Variants in MED13L observed in about 807,000 individuals in gnomAD.
MED13L encodes mediator of RNA polymerase II transcription subunit 13-like.
Under a neutral mutation model 220.9 loss-of-function variants are expected in MED13L, and 7 were observed. The observed-to-expected ratio is 0.03, with a 90% CI of 0.02 to 0.06. MED13L has a LOEUF of 0.06. Among genes scored for constraint, MED13L ranks in the 10% least tolerant of loss-of-function variants. MED13L has a pLI of 1.00. For synonymous variants in MED13L, 1,011 were observed against 1,015.2 expected, an observed-to-expected ratio of 1.00 and a Z score of 0.08; for missense variants, 1,965 against 2,760.5, an observed-to-expected ratio of 0.71 and a Z score of 6.46.
At chr12:116,109,817 G>A (rs925127635) in intron 3 of MED13L, among the ~76,000 whole-genome samples, 2 of 152,208 alleles carry the variant, frequency 1.3e-5, no homozygotes, top group Non-Finnish European at 2.9e-5. Context: ...CTTAGTAACA[G>A]ATGATTTCTA....
intron 29 of MED13L, among the ~76,000 whole-genome samples, chr12:115,965,793 A>G (rs1876113863): frequency 6.6e-6 from 1 of 152,152 alleles, no homozygotes; most frequent in South Asian, 2.1e-4. Flanking sequence ...ACTTGGAGAA[A>G]GACCATCACA....
rs765021303 is a variant in MED13L, at chr12:116,277,018, C to T, written c.72+42G>A. The T allele has an allele frequency of 4.3e-6, 6 of 1,408,590 alleles. No individual in the cohort carries two copies. The African/African-American group carries it at 5.6e-5, about 13-fold the overall frequency. 87.3% of individuals were successfully genotyped at this position (1,408,590 alleles called of 1,614,324 possible). ...GGCGGCGGAGGTCGGGGACCCCCCC[C>T]CTTCCCCGGCACAGCCCCCTCCCCG... On this transcript the variant is annotated intron_variant, in intron 1 of 30. Coordinates refer to ENST00000281928, the MANE Select transcript of MED13L (RefSeq NM_015335.5).
chr12:116,166,282 A>T (rs1388773498), intron 2 of MED13L, among the ~76,000 whole-genome samples: 1 of 152,178 alleles, frequency 6.6e-6, no homozygotes, highest in Non-Finnish European at 1.5e-5. Context: ...TGTTGCCAAA[A>T]GAGATTAACA....
At position 115,996,461 on chromosome 12, in the gene MED13L, A is replaced by G. The variant is rs745392879; in HGVS notation, c.2996+15T>C. 1 of 1,604,866 alleles carries G rather than the reference A, an allele frequency of 6.2e-7. No individual in the cohort carries two copies. Among genetic ancestry groups the G allele is most frequent in the South Asian group, 1.1e-5 (1 of 90,878 alleles). On this transcript the variant is annotated intron_variant, in intron 16 of 30. Transcript: ENST00000281928. ...ATCAAATATGGCAAGTAAATGACAC[A>G]ATCCCTATACATACTTGTAGCCATC...
intron 2 of MED13L, among the ~76,000 whole-genome samples, chr12:116,159,867 C>A (rs1216456260): frequency 6.6e-6 from 1 of 152,104 alleles, no homozygotes; most frequent in Non-Finnish European, 1.5e-5. Context: ...ATAAATGTGC[C>A]ACATCCTGCT....
intron 4 of MED13L, among the ~76,000 whole-genome samples, chr12:116,081,464 T>A (rs913780976): frequency 6.6e-6 from 1 of 152,130 alleles, no homozygotes; most frequent in East Asian, 1.9e-4. Flanking sequence ...TGTATAAGAA[T>A]ACATATAGCA....
chr12:116,036,230 G>A (rs1399056669), intron 4 of MED13L, among the ~76,000 whole-genome samples: 1 of 152,180 alleles, frequency 6.6e-6, no homozygotes, highest in East Asian at 1.9e-4. Flanking sequence ...AGAAGAACAA[G>A]AACAACTGAT....
At chr12:116,200,755 AT>A (rs1359700358) in intron 2 of MED13L, among the ~76,000 whole-genome samples, 1 of 152,242 alleles carries the variant, frequency 6.6e-6, no homozygotes, top group Non-Finnish European at 1.5e-5. Flanking sequence ...ATAAATTTGA[AT>A]TTTTTAATGA....
intron 30 of MED13L, among the ~76,000 whole-genome samples, chr12:115,961,907 T>C (rs1485512831): frequency 1.3e-5 from 2 of 151,714 alleles, no homozygotes; most frequent in African/African-American, 2.4e-5. Flanking sequence ...TGGGCGGAGG[T>C]TGCAGTGAGA....
chr12:116,209,726 CAGAAATACTTGGAAG>C (rs766855373), intron 2 of MED13L, among the ~76,000 whole-genome samples: 1 of 152,132 alleles, frequency 6.6e-6, no homozygotes, highest in Non-Finnish European at 1.5e-5. Context: ...AGATCTGTTT[CAGAAATACTTGGAAG>C]TCCCAAGGCA....
At chr12:115,976,241 G>A (rs1385594196) in intron 23 of MED13L, among the ~76,000 whole-genome samples, 9 of 152,090 alleles carry the variant, frequency 5.9e-5, no homozygotes, top group Admixed American at 5.9e-4. Flanking sequence ...AATCACAATA[G>A]CTCCAAACAG....
intron 17 of MED13L, among the ~76,000 whole-genome samples, chr12:115,987,559 T>C (rs1031819316): frequency 6.6e-6 from 1 of 152,126 alleles, no homozygotes; most frequent in Non-Finnish European, 1.5e-5. Context: ...AGTGGAAAAA[T>C]GGATAGGTGC....
rs768707757 is a variant in MED13L at position 116,277,102 on chromosome 12, G to A, written c.30C>T (p.Asn10=). ...AGTGACAATCCTCCAGGCTCGCCCCGTTCGCCACCCAGTTCGCTGCCGCAG... is the reference window on the plus strand; with the variant it reads ...AGTGACAATCCTCCAGGCTCGCCCCATTCGCCACCCAGTTCGCTGCCGCAG... MTAAANWVA[N]GASLEDCHSN... is the part of the protein sequence containing the mutation. The change falls in exon 1 of 31, where the codon AAC becomes AAT. Residue 10 remains asparagine, a synonymous_variant. Transcript: ENST00000281928. 19 of 1,590,092 alleles carry A rather than the reference G, an allele frequency of 1.2e-5. No individual in the cohort carries two copies. In the South Asian group the frequency reaches 1.3e-4, roughly 10 times the overall value.
chr12:116,276,915 G>A lies in MED13L; in HGVS notation c.72+145C>T, dbSNP rs189930454. Reference sequence around the variant, plus strand: ...GCGAGAGAGAGACGATCCAAAAGGGGGAGAATCGGCGAGAGGCGAACGGCG... The same window carrying A: ...GCGAGAGAGAGACGATCCAAAAGGGAGAGAATCGGCGAGAGGCGAACGGCG... On this transcript the variant is annotated intron_variant, in intron 1 of 30. Transcript: ENST00000281928. 3.0e-6 allele frequency: 3 copies of A among 1,012,192 alleles called. No individual in the cohort carries two copies. In the African/African-American group the frequency reaches 4.8e-5, roughly 16 times the overall value. The allele number at this position is 1,012,192 out of a possible 1,614,324, so 62.7% of individuals were successfully genotyped here.
intron 4 of MED13L, among the ~76,000 whole-genome samples, chr12:116,054,500 T>A (rs1006941598): frequency 6.6e-6 from 1 of 152,212 alleles, no homozygotes; most frequent in African/African-American, 2.4e-5. Flanking sequence ...AGAGTACAAC[T>A]TAAGCATGTT....
chr12:116,012,148 G>T (rs958028587), intron 9 of MED13L, among the ~76,000 whole-genome samples: 3 of 152,176 alleles, frequency 2.0e-5, no homozygotes, highest in Admixed American at 1.3e-4. Flanking sequence ...TGAGCTGGGG[G>T]TTAAGACTTA....
At chr12:116,140,160 G>A (rs919698506) in intron 2 of MED13L, among the ~76,000 whole-genome samples, 1 of 151,912 alleles carries the variant, frequency 6.6e-6, no homozygotes, top group Non-Finnish European at 1.5e-5. Flanking sequence ...CCCTTTCCCA[G>A]CATGCTCTAT....
chr12:116,061,737 G>A (rs1280852544), intron 4 of MED13L, among the ~76,000 whole-genome samples: 1 of 152,124 alleles, frequency 6.6e-6, no homozygotes, highest in East Asian at 1.9e-4. Context: ...GCCAGGCGTA[G>A]TGGCTCACGC....
Position 116,109,060 on chromosome 12 carries a change from C to CTT in MED13L, c.395+2366_395+2367dup, listed in dbSNP as rs751600660. Among the ~76,000 whole-genome samples the CTT allele has an allele frequency of 6.4e-3, 624 of 97,096 alleles. 47 individuals carry two copies. The highest frequency in any genetic ancestry group is 9.1e-3 in the Non-Finnish European group (447 of 49,014). 63.7% of individuals were successfully genotyped at this position (97,096 alleles called of 152,430 possible). ...AACTTTATATGTCATAATTAATTTC[C>CTT]TTTTTTTTTTTTTTTTTTTTTTTTT... On this transcript the variant is annotated intron_variant, in intron 3 of 30. Transcript: ENST00000281928.
Sources: allele counts gnomAD v4.1 joint callset (sites outside exome capture counted in the v4.1 genomes callset), GRCh38; gene constraint gnomAD v4.1.1; transcripts MANE v1.5; gene names NCBI Gene and HGNC (gene_info 2026-07-23, HGNC 2026-07-21).